RARB: variants seen among roughly 807,000 people sequenced by gnomAD.
The protein encoded by RARB is retinoic acid receptor beta, also known as HBV-activated protein.
Under a neutral mutation model 51.9 loss-of-function variants are expected in RARB, and 17 were observed. The observed-to-expected ratio is 0.33, with a 90% CI of 0.22 to 0.49. The LOEUF is 0.49. Among genes scored for constraint, RARB ranks in the 20% least tolerant of loss-of-function variants. RARB has a pLI of 0.99. For synonymous variants in RARB, 215 were observed against 195.4 expected (o/e 1.10, Z -0.84); for missense variants, 369 against 550.8 (o/e 0.67, Z 3.30).
chr3:25,024,851 G>T (rs2125286778), intron 2 of RARB, among the ~76,000 whole-genome samples: 1 of 151,132 alleles, frequency 6.6e-6, no homozygotes, highest in East Asian at 2.0e-4. Flanking sequence ...TACTATGGAG[G>T]CTGAGGCAGG....
chr3:25,343,675 G>A (rs1705300719), intron 5 of RARB, among the ~76,000 whole-genome samples: 1 of 152,096 alleles, frequency 6.6e-6, no homozygotes, highest in Non-Finnish European at 1.5e-5. Context: ...ACTAATGTAT[G>A]TTGTATCTTT....
At chr3:25,101,707 C>T (rs1281162829) in intron 3 of RARB, among the ~76,000 whole-genome samples, 1 of 149,982 alleles carries the variant, frequency 6.7e-6, no homozygotes, top group Non-Finnish European at 1.5e-5. Context: ...TTGATTCTTT[C>T]CATAGATGCT....
At chr3:25,550,551 C>T (rs568816942) in intron 3 of RARB, among the ~76,000 whole-genome samples, 6 of 152,256 alleles carry the variant, frequency 3.9e-5, no homozygotes, top group Admixed American at 3.3e-4. Context: ...CTCATGACTA[C>T]GTCACCTCCC....
intron 5 of RARB, among the ~76,000 whole-genome samples, chr3:25,251,791 CTTCTT>C (rs67357075): frequency 0.1 from 15,561 of 151,968 alleles, 980 homozygotes; most frequent in South Asian, 0.26. Flanking sequence ...TTCGCAAATA[CTTCTT>C]TTCATCTTTT....
intron 5 of RARB, among the ~76,000 whole-genome samples, chr3:25,267,987 T>C (rs1703164221): frequency 6.6e-6 from 1 of 152,218 alleles, no homozygotes; most frequent in South Asian, 2.1e-4. Context: ...TTTCAAATGC[T>C]AGGAGGAGAG....
At chr3:25,593,453 T>C in intron 5 of RARB, 50 bp from the exon 6 acceptor site, 4 of 1,521,518 alleles carry the variant, frequency 2.6e-6, no homozygotes, top group Non-Finnish European at 3.6e-6. Context: ...TGATTGATGA[T>C]TTCAGGACAG....
intron 2 of RARB, among the ~76,000 whole-genome samples, chr3:24,963,322 C>T (rs545482951): frequency 5.6e-4 from 85 of 151,280 alleles, no homozygotes; most frequent in East Asian, 2.0e-3. Context: ...TCATTGGAAA[C>T]GCTCTCACAG....
chr3:24,971,220 A>C (rs899064483), intron 2 of RARB, among the ~76,000 whole-genome samples: 2 of 151,990 alleles, frequency 1.3e-5, no homozygotes, highest in African/African-American at 4.8e-5. Flanking sequence ...TTTCAAAACA[A>C]ATCTATGAAA....
At chr3:25,466,710 T>C (rs979786727) in intron 2 of RARB, among the ~76,000 whole-genome samples, 5 of 152,166 alleles carry the variant, frequency 3.3e-5, no homozygotes, top group Non-Finnish European at 7.3e-5. Context: ...GTTGCCAAAT[T>C]GCTTCTGCAA....
chr3:25,552,679 G>A (rs1188767588), intron 3 of RARB, among the ~76,000 whole-genome samples: 1 of 152,164 alleles, frequency 6.6e-6, no homozygotes. Context: ...ACCTGGAGGA[G>A]ATAATACTGC....
intron 5 of RARB, among the ~76,000 whole-genome samples, chr3:25,219,752 G>A (rs572590530): frequency 8.5e-5 from 13 of 152,268 alleles, no homozygotes; most frequent in South Asian, 2.1e-4. Context: ...AGGAAGTCCC[G>A]TTAGATTTGT....
chr3:25,515,752 A>G (rs1311754755), intron 3 of RARB, among the ~76,000 whole-genome samples: 2 of 152,202 alleles, frequency 1.3e-5, no homozygotes, highest in Non-Finnish European at 2.9e-5. Flanking sequence ...GGTTACCCTC[A>G]GAAAGGAGGT....
chr3:24,896,081 C>T (rs1213300060), intron 2 of RARB, among the ~76,000 whole-genome samples: 1 of 152,144 alleles, frequency 6.6e-6, no homozygotes, highest in East Asian at 1.9e-4. Context: ...GCCTTGATGA[C>T]ATTATACTAA....
chr3:24,861,315 C>T (rs1430907342), intron 2 of RARB, among the ~76,000 whole-genome samples: 2 of 152,044 alleles, frequency 1.3e-5, no homozygotes, highest in Non-Finnish European at 2.9e-5. Flanking sequence ...AGAGACTTAG[C>T]ATCATGAATT....
intron 4 of RARB, among the ~76,000 whole-genome samples, chr3:25,160,849 T>C (rs2125346379): frequency 6.6e-6 from 1 of 152,244 alleles, no homozygotes; most frequent in Admixed American, 6.5e-5. Context: ...TAGGCCTTGG[T>C]CTTTGGCTCC....
intron 5 of RARB, among the ~76,000 whole-genome samples, chr3:25,395,963 C>G (rs1400770337): frequency 2.0e-5 from 3 of 152,102 alleles, no homozygotes; most frequent in Non-Finnish European, 4.4e-5. Context: ...CATCTTTTTT[C>G]TGGTTCCCTC....
At chr3:24,845,428 G>A (rs1481807611) in intron 1 of RARB, among the ~76,000 whole-genome samples, 7 of 152,186 alleles carry the variant, frequency 4.6e-5, no homozygotes, top group Non-Finnish European at 7.3e-5. Flanking sequence ...TCTTCCATGT[G>A]TGGTTTCCTA....
intron 5 of RARB, among the ~76,000 whole-genome samples, chr3:25,380,611 C>T (rs1706596816): frequency 6.6e-6 from 1 of 152,102 alleles, no homozygotes; most frequent in Non-Finnish European, 1.5e-5. Context: ...AAACAAGCAA[C>T]CAGGATTTGA....
At chr3:24,999,573 A>T (rs1697115026) in intron 2 of RARB, among the ~76,000 whole-genome samples, 1 of 152,202 alleles carries the variant, frequency 6.6e-6, no homozygotes, top group African/African-American at 2.4e-5. Flanking sequence ...CATCGGCAGA[A>T]AAGATAGAAG....
Sources: allele counts gnomAD v4.1 joint callset (sites outside exome capture counted in the v4.1 genomes callset), GRCh38; gene constraint gnomAD v4.1.1; transcripts MANE v1.5; gene names NCBI Gene and HGNC (gene_info 2026-07-23, HGNC 2026-07-21).